The following CDH12 variants were observed in gnomAD, a reference collection of about 807,000 sequenced individuals.
The protein encoded by CDH12 is cadherin-12.
CDH12 carries 41 observed loss-of-function variants against 74.1 expected under a neutral mutation model. The ratio of observed to expected loss-of-function variants is 0.55; its 90% CI spans 0.43 to 0.72. CDH12 has a LOEUF of 0.72. Among genes scored for constraint, CDH12 ranks in the 30% least tolerant of loss-of-function variants. The pLI is 0.00. For missense variants in CDH12, 945 were observed against 977.2 expected (o/e 0.97, Z 0.44); for synonymous variants, 399 against 355.0 (o/e 1.12, Z -1.39).
chr5:22,732,421 C>T (rs1368591148), intron 1 of CDH12, among the ~76,000 whole-genome samples: 1 of 150,996 alleles, frequency 6.6e-6, no homozygotes, highest in Non-Finnish European at 1.5e-5. Context: ...GAGAGGGAGA[C>T]AATTCAGTCT....
chr5:22,548,469 C>T (rs78093573), intron 1 of CDH12, among the ~76,000 whole-genome samples: 1 of 148,196 alleles, frequency 6.7e-6, no homozygotes, highest in Admixed American at 7.3e-5. Context: ...GATTTAAAAC[C>T]CCTAGAAAAT....
intron 2 of CDH12, among the ~76,000 whole-genome samples, chr5:22,491,299 T>C (rs570709767): frequency 7.2e-5 from 11 of 152,306 alleles, no homozygotes; most frequent in African/African-American, 2.4e-4. Context: ...CCTCCAGTTG[T>C]ATTCATGTTG....
At chr5:22,298,577 G>T (rs1737730729) in intron 3 of CDH12, among the ~76,000 whole-genome samples, 2 of 152,008 alleles carry the variant, frequency 1.3e-5, no homozygotes, top group African/African-American at 4.8e-5. Flanking sequence ...ACTACATAGT[G>T]TACATACAGC....
intron 1 of CDH12, among the ~76,000 whole-genome samples, chr5:22,529,190 GA>G (rs1737463609): frequency 2.8e-5 from 1 of 36,136 alleles, no homozygotes; most frequent in East Asian, 7.3e-4. Context: ...TATATATATA[GA>G]GAGAGAGAGA....
chr5:21,982,079 G>C (rs1385118107), intron 5 of CDH12, among the ~76,000 whole-genome samples: 1 of 152,136 alleles, frequency 6.6e-6, no homozygotes, highest in Non-Finnish European at 1.5e-5. Flanking sequence ...GTGTGCCTCT[G>C]TGGGTGTTTC....
rs61516659 is a variant in CDH12, at chr5:21,996,105, GTTTTTTTTTTT to G, written c.232-20731_232-20721del. Among the ~76,000 whole-genome samples, 686 of 113,622 alleles carry G rather than the reference GTTTTTTTTTTT, an allele frequency of 6.0e-3. 9 individuals are homozygous for G. Among genetic ancestry groups the G allele is most frequent in the African/African-American group, 0.015 (554 of 35,752 alleles). 74.5% of individuals were successfully genotyped at this position (113,622 alleles called of 152,430 possible). ...CAGGTACTTATAAGTTCACACACAC[GTTTTTTTTTTT>G]TTTTTTTTTTTTTTTTCCAATGCCT... On this transcript the variant is annotated intron_variant, in intron 5 of 14. Coordinates refer to ENST00000382254, the MANE Select transcript of CDH12 (RefSeq NM_004061.5).
At chr5:22,657,884 C>T (rs1292737689) in intron 1 of CDH12, among the ~76,000 whole-genome samples, 1 of 152,124 alleles carries the variant, frequency 6.6e-6, no homozygotes, top group African/African-American at 2.4e-5. Flanking sequence ...AGTACAATAA[C>T]ATTTCTATTT....
chr5:22,072,608 T>C (rs1432537302), intron 5 of CDH12, among the ~76,000 whole-genome samples: 2 of 151,786 alleles, frequency 1.3e-5, no homozygotes, highest in Admixed American at 1.3e-4. Context: ...AGTTATAGGG[T>C]ACATGTGTAC....
chr5:21,758,717 A>T (rs1378873593), intron 13 of CDH12, among the ~76,000 whole-genome samples: 2 of 152,164 alleles, frequency 1.3e-5, no homozygotes, highest in South Asian at 4.1e-4. Flanking sequence ...CAGTAGTAGC[A>T]GCAGTAGGAT....
At chr5:22,760,904 A>G (rs1190721856) in intron 1 of CDH12, among the ~76,000 whole-genome samples, 1 of 152,086 alleles carries the variant, frequency 6.6e-6, no homozygotes, top group Non-Finnish European at 1.5e-5. Context: ...CAACATGCAC[A>G]AAAAAACCCC....
At chr5:22,069,706 G>A (rs1171638379) in intron 5 of CDH12, among the ~76,000 whole-genome samples, 2 of 152,058 alleles carry the variant, frequency 1.3e-5, no homozygotes, top group African/African-American at 4.8e-5. Flanking sequence ...TGCTGTCTGG[G>A]GTGATTCATC....
chr5:22,549,023 T>C (rs1320206024), intron 1 of CDH12, among the ~76,000 whole-genome samples: 6 of 152,300 alleles, frequency 3.9e-5, no homozygotes, highest in Non-Finnish European at 7.3e-5. Flanking sequence ...CACTGCAGTC[T>C]TGACCTCCCG....
intron 3 of CDH12, among the ~76,000 whole-genome samples, chr5:22,220,810 T>C (rs970368655): frequency 4.0e-5 from 6 of 151,796 alleles, no homozygotes; most frequent in Non-Finnish European, 7.4e-5. Context: ...GGTGGTTGCA[T>C]GAACAGAAAT....
intron 8 of CDH12, 92 bp downstream of exon 8, chr5:21,842,069 T>A: frequency 1.0e-6 from 1 of 971,768 alleles, no homozygotes; most frequent in South Asian, 1.7e-5. Flanking sequence ...ACTAAGTGTC[T>A]GGAAAATGAT....
chr5:21,942,678 T>C (rs925843810), intron 6 of CDH12, among the ~76,000 whole-genome samples: 1 of 152,042 alleles, frequency 6.6e-6, no homozygotes, highest in African/African-American at 2.4e-5. Context: ...TTCTGAAATG[T>C]TTTTCAAAGC....
intron 8 of CDH12, among the ~76,000 whole-genome samples, chr5:21,828,376 C>T (rs1381814637): frequency 1.3e-5 from 2 of 152,174 alleles, no homozygotes; most frequent in African/African-American, 4.8e-5. Flanking sequence ...CCTGCCTCGG[C>T]CTCCCAAAGT....
chr5:22,056,001 T>G (rs535297487), intron 5 of CDH12, among the ~76,000 whole-genome samples: 1 of 152,246 alleles, frequency 6.6e-6, no homozygotes, highest in Non-Finnish European at 1.5e-5. Context: ...ATAAAGTCTT[T>G]TTTGCATTTC....
rs1751006952 is a variant in CDH12 at position 22,202,948 on chromosome 5, T to C, written c.-187+9550A>G. 3.9e-5 allele frequency among the ~76,000 whole-genome samples: 6 copies of C among 152,322 alleles called. No individual in the cohort carries two copies. In the South Asian group the frequency reaches 1.2e-3, roughly 32 times the overall value. Reference sequence around the variant, plus strand: ...ATATTTTTGTTTTTCATGTGTCTTTTTAAATTTTTTAAAATTTATTTTTTA... The same window carrying C: ...ATATTTTTGTTTTTCATGTGTCTTTCTAAATTTTTTAAAATTTATTTTTTA... On this transcript the variant is annotated intron_variant, in intron 4 of 14. Transcript: ENST00000382254.
At chr5:22,657,503 C>T (rs1195235289) in intron 1 of CDH12, among the ~76,000 whole-genome samples, 2 of 152,166 alleles carry the variant, frequency 1.3e-5, no homozygotes, top group Non-Finnish European at 2.9e-5. Flanking sequence ...ACACAATTTA[C>T]ATTACTTACT....
Sources: gnomAD v4.1 joint callset for allele counts (sites outside exome capture counted in the v4.1 genomes callset) on GRCh38, gnomAD v4.1.1 for gene constraint, MANE v1.5 for transcripts, NCBI Gene and HGNC (gene_info 2026-07-23, HGNC 2026-07-21) for gene names.